PCSK6: variants seen among roughly 807,000 people sequenced by gnomAD.
PCSK6 encodes the protein paired basic amino acid cleaving enzyme 4.
Under a neutral mutation model 123.3 loss-of-function variants are expected in PCSK6, and 85 were observed. The ratio of observed to expected loss-of-function variants is 0.69; its 90% CI spans 0.58 to 0.83. The LOEUF (loss-of-function observed/expected upper bound fraction) is 0.83. Among genes scored for constraint, PCSK6 ranks in the 40% least tolerant of loss-of-function variants. PCSK6 has a pLI of 0.00. For synonymous variants in PCSK6, 508 were observed against 516.0 expected, an observed-to-expected ratio of 0.98 and a Z score of 0.21; for missense variants, 1,191 against 1,282.3, an observed-to-expected ratio of 0.93 and a Z score of 1.09.
At chr15:101,471,270 G>C (rs1193801991) in intron 1 of PCSK6, among the ~76,000 whole-genome samples, 1 of 152,136 alleles carries the variant, frequency 6.6e-6, no homozygotes, top group Non-Finnish European at 1.5e-5. Flanking sequence ...TAAATCCCTA[G>C]AAAGGCTTCT....
chr15:101,410,000 A>G (rs2042900774), intron 6 of PCSK6, among the ~76,000 whole-genome samples: 2 of 152,078 alleles, frequency 1.3e-5, no homozygotes, highest in Non-Finnish European at 2.9e-5. Context: ...TGCCACAATC[A>G]TTGCTCACTG....
At chr15:101,475,512 G>T (rs1233512458) in intron 1 of PCSK6, among the ~76,000 whole-genome samples, 1 of 152,120 alleles carries the variant, frequency 6.6e-6, no homozygotes, top group East Asian at 1.9e-4. Flanking sequence ...TTGAGACAGG[G>T]TCTCGCTCTG....
intron 10 of PCSK6, among the ~76,000 whole-genome samples, chr15:101,383,145 A>T (rs2041955093): frequency 6.6e-6 from 1 of 152,044 alleles, no homozygotes; most frequent in Non-Finnish European, 1.5e-5. Context: ...ACAGTGGCTC[A>T]CACCTGTAAT....
rs533245287 is a variant in PCSK6, at chr15:101,371,749, A to AT, written c.1533-1227dup. On this transcript the variant is annotated intron_variant, in intron 11 of 21. Coordinates refer to ENST00000611716, the MANE Select transcript of PCSK6 (RefSeq NM_002570.5). Reference sequence around the variant, plus strand: ...CCGCCTCCAGGCCTCGCTGCCTCGAATGGAAGCTCGCGTGGACCCACAGTC... The same window carrying AT: ...CCGCCTCCAGGCCTCGCTGCCTCGAATTGGAAGCTCGCGTGGACCCACAGTC... 6.6e-5 allele frequency among the ~76,000 whole-genome samples: 10 copies of AT among 152,292 alleles called. No homozygotes were observed. In the East Asian group the frequency reaches 1.9e-3, roughly 29 times the overall value.
chr15:101,444,262 G>A (rs571472914), intron 1 of PCSK6, among the ~76,000 whole-genome samples: 11 of 152,308 alleles, frequency 7.2e-5, no homozygotes, highest in Admixed American at 4.6e-4. Flanking sequence ...CTTGAGGACC[G>A]GATGGAACCA....
At chr15:101,434,468 A>G (rs1214365848) in intron 2 of PCSK6, among the ~76,000 whole-genome samples, 6 of 152,206 alleles carry the variant, frequency 3.9e-5, no homozygotes. Context: ...AAGTCATAAG[A>G]GGGTTCCTCA....
At chr15:101,415,702 G>C (rs940198586) in intron 6 of PCSK6, among the ~76,000 whole-genome samples, 6 of 152,316 alleles carry the variant, frequency 3.9e-5, no homozygotes, top group Middle Eastern at 3.4e-3. Context: ...TTGTGGGAGG[G>C]ACTCAGGGGG....
At chr15:101,338,629 A>G (rs2040535651) in intron 13 of PCSK6, among the ~76,000 whole-genome samples, 1 of 152,228 alleles carries the variant, frequency 6.6e-6, no homozygotes, top group African/African-American at 2.4e-5. Flanking sequence ...TGTGTTATTT[A>G]CTATTCAAGA....
At chr15:101,457,094 A>G (rs528695530) in intron 1 of PCSK6, among the ~76,000 whole-genome samples, 1 of 152,242 alleles carries the variant, frequency 6.6e-6, no homozygotes, top group East Asian at 1.9e-4. Context: ...AATCACTTGA[A>G]CCAGGAGGCG....
intron 1 of PCSK6, among the ~76,000 whole-genome samples, chr15:101,459,911 TATAAA>T (rs1228128831): frequency 5.3e-5 from 8 of 152,144 alleles, no homozygotes; most frequent in African/African-American, 1.7e-4. Context: ...CTTCTGATGT[TATAAA>T]ATGAGTTCAG....
rs2042652633 is a variant in PCSK6, at chr15:101,403,264, ACTGTTGT to A, written c.824-4695_824-4689del. Among the ~76,000 whole-genome samples the A allele has an allele frequency of 8.5e-5, 9 of 106,408 alleles. No homozygotes were observed. In the South Asian group the frequency reaches 3.0e-3, roughly 35 times the overall value. 69.8% of individuals were successfully genotyped at this position (106,408 alleles called of 152,430 possible). ...GGAAGGGGAACATCACACTCTGGGG[ACTGTTGT>A]GGGGTGGGGGGAGGGGGGAGGGATA... On this transcript the variant is annotated intron_variant, in intron 6 of 21. Coordinates refer to ENST00000611716, the MANE Select transcript of PCSK6 (RefSeq NM_002570.5).
intron 6 of PCSK6, among the ~76,000 whole-genome samples, chr15:101,402,552 A>G (rs1022965628): frequency 6.6e-6 from 1 of 152,242 alleles, no homozygotes; most frequent in African/African-American, 2.4e-5. Context: ...AGAATCTACA[A>G]TGAACTCAAA....
intron 11 of PCSK6, among the ~76,000 whole-genome samples, chr15:101,380,610 G>A (rs574008644): frequency 2.6e-4 from 39 of 152,252 alleles, no homozygotes; most frequent in African/African-American, 6.8e-4. Context: ...ACCACTCAGC[G>A]GTCAGTGTGC....
intron 1 of PCSK6, among the ~76,000 whole-genome samples, chr15:101,469,429 G>A (rs764685003): frequency 5.3e-5 from 8 of 152,142 alleles, no homozygotes; most frequent in Non-Finnish European, 1.0e-4. Flanking sequence ...AAGCTTCTAC[G>A]CTGGCTCCAA....
chr15:101,326,479 C>T lies in PCSK6; in HGVS notation c.2078G>A (p.Ser693Asn). 1.9e-6 allele frequency: 3 copies of T among 1,574,130 alleles called. No individual in the cohort carries two copies. Among genetic ancestry groups the T allele is most frequent in the East Asian group, 2.3e-5 (1 of 42,650 alleles). ...TPGSANILQT[S>N]VCHPECGDKG... ...GTCACCACACTCCGGATGGCACACA[C>T]CTTAAAGAAACAAGCATTGCCTTTC... The change falls in exon 16 of 22, where the codon AGT becomes AAT. Residue 693 changes from serine to asparagine, a missense_variant and splice_region_variant. Ser to Asn is a conservative substitution (Grantham distance 46). This residue lies in a region of PCSK6 where 630 missense variants were observed against 631.4 expected (regional missense o/e 1.00). Coordinates refer to ENST00000611716, the MANE Select transcript of PCSK6 (RefSeq NM_002570.5).
intron 13 of PCSK6, chr15:101,347,627 G>C: frequency 6.4e-7 from 1 of 1,557,488 alleles, no homozygotes; most frequent in East Asian, 2.3e-5. Context: ...CTCTGGGGGC[G>C]GGAGCTGAGA....
At chr15:101,372,528 A>T (rs2041616325) in intron 11 of PCSK6, among the ~76,000 whole-genome samples, 1 of 152,240 alleles carries the variant, frequency 6.6e-6, no homozygotes, top group Non-Finnish European at 1.5e-5. Flanking sequence ...ACTGGCCAGC[A>T]GCCCCCGCTG....
intron 1 of PCSK6, among the ~76,000 whole-genome samples, chr15:101,483,037 C>A (rs775104100): frequency 6.6e-6 from 1 of 152,236 alleles, no homozygotes; most frequent in Non-Finnish European, 1.5e-5. Context: ...AGCTTCACAA[C>A]CCTCATCTTG....
chr15:101,306,492 C>T (rs1033176003), intron 21 of PCSK6, among the ~76,000 whole-genome samples: 1 of 152,174 alleles, frequency 6.6e-6, no homozygotes, highest in Non-Finnish European at 1.5e-5. Context: ...GAGCAGAGAG[C>T]CTTCCTCTCC....
Sources: allele counts gnomAD v4.1 joint callset (sites outside exome capture counted in the v4.1 genomes callset), GRCh38; gene constraint gnomAD v4.1.1; regional missense constraint gnomAD v4.1.1; transcripts MANE v1.5; gene names NCBI Gene and HGNC (gene_info 2026-07-23, HGNC 2026-07-21).